SGCZ: variants seen among roughly 807,000 people sequenced by gnomAD.
SGCZ encodes zeta-sarcoglycan.
Under a neutral mutation model 41.3 loss-of-function variants are expected in SGCZ, and 40 were observed. That is an observed-to-expected ratio of 0.97 (90% CI 0.75 to 1.26). The LOEUF (loss-of-function observed/expected upper bound fraction) is 1.26, where lower values mean the gene tolerates loss of function less well. Among genes scored for constraint, SGCZ ranks in the 50% most tolerant of loss-of-function variants. The probability of loss-of-function intolerance (pLI) is 0.00; values close to 1 mark genes in which losing one functional copy is unlikely to be tolerated. For synonymous variants in SGCZ, 206 were observed against 137.5 expected, an observed-to-expected ratio of 1.50 and a Z score of -3.49; for missense variants, 552 against 369.8, an observed-to-expected ratio of 1.49 and a Z score of -4.04.
At chr8:14,358,091 A>G (rs554170113) in intron 2 of SGCZ, among the ~76,000 whole-genome samples, 1 of 152,242 alleles carries the variant, frequency 6.6e-6, no homozygotes, top group African/African-American at 2.4e-5. Flanking sequence ...GGCACCACCA[A>G]AGTATAAGCT....
At chr8:14,893,701 C>G (rs911777278) in intron 1 of SGCZ, among the ~76,000 whole-genome samples, 1 of 152,156 alleles carries the variant, frequency 6.6e-6, no homozygotes, top group Non-Finnish European at 1.5e-5. Context: ...CTGATAAGCG[C>G]TCATGGCTTT....
intron 4 of SGCZ, 146 bp from the exon 5 acceptor site, chr8:14,164,848 T>C: frequency 1.9e-6 from 2 of 1,076,614 alleles, no homozygotes; most frequent in East Asian, 2.7e-5. Flanking sequence ...TATCTTTAAA[T>C]TGTCACCATT....
intron 4 of SGCZ, among the ~76,000 whole-genome samples, chr8:14,178,604 G>C (rs180729498): frequency 1.2e-3 from 177 of 152,330 alleles, no homozygotes; most frequent in Non-Finnish European, 2.1e-3. Context: ...GGTTAAGTGA[G>C]AACAGCTGAA....
At chr8:14,937,118 C>G (rs1018475788) in intron 1 of SGCZ, among the ~76,000 whole-genome samples, 1 of 151,688 alleles carries the variant, frequency 6.6e-6, no homozygotes, top group East Asian at 1.9e-4. Flanking sequence ...TATCTAAATA[C>G]ACTAATAAAC....
intron 3 of SGCZ, among the ~76,000 whole-genome samples, chr8:14,250,498 A>G (rs1363826431): frequency 6.6e-6 from 1 of 152,120 alleles, no homozygotes; most frequent in Non-Finnish European, 1.5e-5. Flanking sequence ...GATATAGGAC[A>G]TTTACAGGCC....
intron 3 of SGCZ, among the ~76,000 whole-genome samples, chr8:14,269,738 C>G (rs543095340): frequency 6.6e-6 from 1 of 152,182 alleles, no homozygotes; most frequent in South Asian, 2.1e-4. Context: ...AGTGAGTGTA[C>G]AAATGAGATA....
chr8:14,841,147 A>T (rs1429113309), intron 1 of SGCZ, among the ~76,000 whole-genome samples: 1 of 152,152 alleles, frequency 6.6e-6, no homozygotes, highest in Non-Finnish European at 1.5e-5. Context: ...AGGTTATTTA[A>T]GTTTAAATGC....
intron 1 of SGCZ, among the ~76,000 whole-genome samples, chr8:14,669,357 C>A (rs1808021762): frequency 6.8e-6 from 1 of 146,486 alleles, no homozygotes; most frequent in African/African-American, 2.6e-5. Flanking sequence ...GACCCTGTCT[C>A]TAAGTAAGTA....
chr8:14,350,260 C>A (rs947008986), intron 2 of SGCZ, among the ~76,000 whole-genome samples: 1 of 148,916 alleles, frequency 6.7e-6, no homozygotes, highest in African/African-American at 2.5e-5. Flanking sequence ...TTTTTTTTAC[C>A]TAAGTATGCT....
chr8:14,569,215 T>C (rs546821453), intron 1 of SGCZ, among the ~76,000 whole-genome samples: 1 of 152,234 alleles, frequency 6.6e-6, no homozygotes, highest in Non-Finnish European at 1.5e-5. Context: ...CTGATTCTGT[T>C]GACAGTGCAC....
rs35838178 is a variant in SGCZ, at chr8:14,525,143, C to CATAG, written c.234+29585_234+29588dup. On this transcript the variant is annotated intron_variant, in intron 2 of 7. Transcript: ENST00000382080. Reference sequence around the variant, plus strand: ...AGATAGATACATTGATAGATAGACACATAGATAGATAGATAGATAGATAGA... The same window carrying CATAG: ...AGATAGATACATTGATAGATAGACACATAGATAGATAGATAGATAGATAGATAGA... Among the ~76,000 whole-genome samples the CATAG allele has an allele frequency of 3.2e-3, 460 of 142,744 alleles. 3 individuals are homozygous for CATAG. Among genetic ancestry groups the CATAG allele is most frequent in the East Asian group, 7.3e-3 (35 of 4,820 alleles). 93.6% of individuals were successfully genotyped at this position (142,744 alleles called of 152,430 possible). A position where few individuals can be genotyped will look rare whatever the true frequency, so the allele number is the denominator to read the frequency against.
chr8:15,084,233 CA>C (rs1438236867), intron 1 of SGCZ, among the ~76,000 whole-genome samples: 1 of 152,112 alleles, frequency 6.6e-6, no homozygotes, highest in Non-Finnish European at 1.5e-5. Context: ...TTATAGATAT[CA>C]TTGACATCTT....
chr8:14,806,202 C>T (rs536191677), intron 1 of SGCZ, among the ~76,000 whole-genome samples: 1 of 151,774 alleles, frequency 6.6e-6, no homozygotes, highest in African/African-American at 2.4e-5. Flanking sequence ...CATTCAAAAG[C>T]TAGCAGAAGG....
In SGCZ at chr8:14,866,195, T is replaced by A. The variant is rs1033441505; in HGVS notation, c.40-311269A>T. ...GATTAAAAGAAAGGATCTATTTATG[T>A]ATCTCTGATTTTGGAGCAAAATTTT... On this transcript the variant is annotated intron_variant, in intron 1 of 7. Coordinates refer to ENST00000382080, the MANE Select transcript of SGCZ (RefSeq NM_139167.4). Among the ~76,000 whole-genome samples, 91 of 152,142 alleles carry A rather than the reference T, an allele frequency of 6.0e-4. 2 individuals carry two copies. The highest frequency in any genetic ancestry group is 1.8e-4 in the Non-Finnish European group (12 of 68,022).
intron 1 of SGCZ, among the ~76,000 whole-genome samples, chr8:14,843,299 T>C (rs1802989430): frequency 1.3e-5 from 2 of 152,100 alleles, no homozygotes; most frequent in Non-Finnish European, 2.9e-5. Context: ...TTTTTTAATA[T>C]GGGGGTTTAA....
At chr8:15,069,814 A>G (rs547542460) in intron 1 of SGCZ, among the ~76,000 whole-genome samples, 3 of 152,150 alleles carry the variant, frequency 2.0e-5, no homozygotes, top group Non-Finnish European at 4.4e-5. Flanking sequence ...AATGCAATAC[A>G]TCTTTGACTT....
intron 4 of SGCZ, among the ~76,000 whole-genome samples, chr8:14,182,113 G>A (rs1261356923): frequency 1.3e-5 from 2 of 152,116 alleles, no homozygotes; most frequent in Non-Finnish European, 2.9e-5. Flanking sequence ...TACACTTATA[G>A]GCCTGTATAG....
At chr8:14,155,001 C>T (rs529497900) in intron 5 of SGCZ, among the ~76,000 whole-genome samples, 26 of 152,196 alleles carry the variant, frequency 1.7e-4, no homozygotes, top group African/African-American at 6.0e-4. Flanking sequence ...TTGCAGGTTG[C>T]GAGCAAAATA....
intron 1 of SGCZ, among the ~76,000 whole-genome samples, chr8:14,760,339 G>A (rs923305012): frequency 1.3e-5 from 2 of 152,102 alleles, no homozygotes; most frequent in Non-Finnish European, 2.9e-5. Context: ...TTAACAATCC[G>A]ATGGAAGAAC....
Sources: allele counts gnomAD v4.1 joint callset (sites outside exome capture counted in the v4.1 genomes callset), GRCh38; gene constraint gnomAD v4.1.1; transcripts MANE v1.5; gene names NCBI Gene and HGNC (gene_info 2026-07-23, HGNC 2026-07-21).